NIPAL2: variants seen among roughly 807,000 people sequenced by gnomAD.
The protein encoded by NIPAL2 is NIPA like domain containing 2.
In NIPAL2, 43 loss-of-function variants were observed where a neutral mutation model predicts 48.9. The ratio of observed to expected loss-of-function variants is 0.88; its 90% CI spans 0.69 to 1.13. The LOEUF (loss-of-function observed/expected upper bound fraction) is 1.13. Among genes scored for constraint, NIPAL2 ranks in the 50% most tolerant of loss-of-function variants. The pLI is 0.00. For missense variants in NIPAL2, 446 were observed against 461.4 expected, an observed-to-expected ratio of 0.97 and a Z score of 0.31; for synonymous variants, 167 against 174.6, an observed-to-expected ratio of 0.96 and a Z score of 0.34.
At chr8:98,289,128 T>C (rs1013727580) in intron 1 of NIPAL2, among the ~76,000 whole-genome samples, 3 of 152,230 alleles carry the variant, frequency 2.0e-5, no homozygotes, top group Non-Finnish European at 4.4e-5. Context: ...AATACTATAG[T>C]AAATGGTGTC....
At chr8:98,214,740 T>TA (rs1811493105) in intron 5 of NIPAL2, among the ~76,000 whole-genome samples, 1 of 152,180 alleles carries the variant, frequency 6.6e-6, no homozygotes, top group African/African-American at 2.4e-5. Flanking sequence ...CTTCCTCATT[T>TA]AAAAACCTTT....
chr8:98,243,317 C>T (rs531879228), intron 3 of NIPAL2, among the ~76,000 whole-genome samples: 90 of 152,228 alleles, frequency 5.9e-4, no homozygotes, highest in Middle Eastern at 3.4e-3. Flanking sequence ...TATAAGGAAA[C>T]GTACACTTGG....
At chr8:98,243,828 T>C (rs1396449391) in intron 3 of NIPAL2, among the ~76,000 whole-genome samples, 1 of 152,216 alleles carries the variant, frequency 6.6e-6, no homozygotes, top group African/African-American at 2.4e-5. Context: ...AAATGGGCAT[T>C]CCCTTTTTAA....
Position 98,255,045 on chromosome 8 carries a change from ATGCTTCTTTCTATTGGGTCTTC to A in NIPAL2, c.136-980_136-959del, listed in dbSNP as rs545119647. Among the ~76,000 whole-genome samples the A allele has an allele frequency of 3.2e-3, 484 of 152,290 alleles. 1 individual carries two copies. Among genetic ancestry groups the A allele is most frequent in the African/African-American group, 0.011 (454 of 41,556 alleles). ...CTCTGAGGGAAAAGAACCAAGTCTT[ATGCTTCTTTCTATTGGGTCTTC>A]TGCTTCTTTCTATTGGGTCTTCTGC... On this transcript the variant is annotated intron_variant, in intron 1 of 10. Transcript: ENST00000430223.
At chr8:98,286,812 CAAAAA>C (rs1182876107) in intron 1 of NIPAL2, among the ~76,000 whole-genome samples, 2 of 57,896 alleles carry the variant, frequency 3.5e-5, no homozygotes, top group Admixed American at 1.9e-4. Context: ...GAGACTCTGT[CAAAAA>C]AAAAAAAAAA....
intron 10 of NIPAL2, 52 bp from the exon 11 acceptor site, chr8:98,193,142 G>C (rs1810377408): frequency 7.0e-7 from 1 of 1,434,398 alleles, no homozygotes; most frequent in South Asian, 1.1e-5. Context: ...AGAAAAATAA[G>C]TCTTAATAAT....
intron 4 of NIPAL2, among the ~76,000 whole-genome samples, chr8:98,232,877 C>T (rs1237441531): frequency 3.3e-5 from 5 of 152,132 alleles, no homozygotes; most frequent in Non-Finnish European, 7.3e-5. Flanking sequence ...ATGGATTGTT[C>T]CTACATTCAA....
At chr8:98,239,706 T>C (rs1021836885) in intron 3 of NIPAL2, among the ~76,000 whole-genome samples, 5 of 152,162 alleles carry the variant, frequency 3.3e-5, no homozygotes, top group Non-Finnish European at 7.4e-5. Context: ...TTTTAGGTAA[T>C]AGAACAAGAT....
intron 2 of NIPAL2, 138 bp downstream of exon 2, chr8:98,253,881 A>G: frequency 3.8e-6 from 2 of 530,500 alleles, no homozygotes; most frequent in South Asian, 3.1e-5. Context: ...GTTTATACCA[A>G]TGAGGTCATA....
chr8:98,192,088 A>C lies in NIPAL2; in HGVS notation c.*890T>G, dbSNP rs1374162274. 6.6e-6 allele frequency: 1 copy of C among 152,198 alleles called. No homozygotes were observed. Among genetic ancestry groups the C allele is most frequent in the Non-Finnish European group, 1.5e-5 (1 of 68,038 alleles). The allele number at this position is 152,198 out of a possible 1,614,324, so 9.4% of individuals were successfully genotyped here. A position where few individuals can be genotyped will look rare whatever the true frequency, so the allele number is the denominator to read the frequency against. ...CACTTGATAAATTATAAGATCTATA[A>C]AAAAGACATAGGATATTAAATTTTT... On this transcript the variant is annotated 3_prime_UTR_variant, in exon 11 of 11. Transcript: ENST00000430223.
At chr8:98,202,553 C>T (rs943529850) in intron 8 of NIPAL2, among the ~76,000 whole-genome samples, 2 of 152,132 alleles carry the variant, frequency 1.3e-5, no homozygotes, top group Non-Finnish European at 2.9e-5. Context: ...GAGACTGGGA[C>T]CTACCCCTCT....
chr8:98,232,640 A>C (rs1032897693), intron 4 of NIPAL2, among the ~76,000 whole-genome samples: 2 of 152,212 alleles, frequency 1.3e-5, no homozygotes, highest in Admixed American at 1.3e-4. Context: ...TTATTTATAT[A>C]ACTTGGCAAA....
chr8:98,223,450 A>G (rs1471935566), intron 4 of NIPAL2, among the ~76,000 whole-genome samples: 2 of 152,176 alleles, frequency 1.3e-5, no homozygotes, highest in Non-Finnish European at 1.5e-5. Context: ...CTGACAAAAC[A>G]CCCGTGGTAT....
At chr8:98,274,390 G>T (rs1388405619) in intron 1 of NIPAL2, among the ~76,000 whole-genome samples, 1 of 151,804 alleles carries the variant, frequency 6.6e-6, no homozygotes, top group African/African-American at 2.4e-5. Flanking sequence ...TGCCAAGTGA[G>T]ATATATTAAA....
At chr8:98,207,595 A>T (rs1400423863) in intron 6 of NIPAL2, among the ~76,000 whole-genome samples, 4 of 149,436 alleles carry the variant, frequency 2.7e-5, no homozygotes, top group Admixed American at 1.3e-4. Context: ...GAAATTCATT[A>T]AAAAAATCTA....
chr8:98,224,759 T>TTC (rs1812072240), intron 4 of NIPAL2, among the ~76,000 whole-genome samples: 1 of 137,600 alleles, frequency 7.3e-6, no homozygotes, highest in Non-Finnish European at 1.5e-5. Flanking sequence ...TCTTTTCTTT[T>TTC]TTTTTTTTTT....
intron 1 of NIPAL2, among the ~76,000 whole-genome samples, chr8:98,261,666 A>G (rs1218926289): frequency 1.6e-3 from 221 of 134,602 alleles, no homozygotes; most frequent in African/African-American, 5.7e-3. Context: ...TGTACCTGAA[A>G]GTGATGGGGA....
chr8:98,290,178 A>C (rs1816419983), intron 1 of NIPAL2, among the ~76,000 whole-genome samples: 1 of 152,216 alleles, frequency 6.6e-6, no homozygotes, highest in African/African-American at 2.4e-5. Flanking sequence ...CTCAAATGAG[A>C]TAACAGCTAT....
chr8:98,236,380 CTGAGGA>C (rs1812716673), intron 3 of NIPAL2, 166 bp from the exon 4 acceptor site: 1 of 530,188 alleles, frequency 1.9e-6, no homozygotes, highest in African/African-American at 2.0e-5. Flanking sequence ...CCCCCTGTGG[CTGAGGA>C]TATGTGGAAA....
Sources: allele counts gnomAD v4.1 joint callset (sites outside exome capture counted in the v4.1 genomes callset), GRCh38; gene constraint gnomAD v4.1.1; transcripts MANE v1.5; gene names NCBI Gene and HGNC (gene_info 2026-07-23, HGNC 2026-07-21).